NCAM2: variants seen among roughly 807,000 people sequenced by gnomAD.
NCAM2 encodes the protein neural cell adhesion molecule 2.
In NCAM2, 30 loss-of-function variants were observed where a neutral mutation model predicts 98.1. The ratio of observed to expected loss-of-function variants is 0.31; its 90% CI spans 0.23 to 0.41. NCAM2 has a LOEUF of 0.41. Ranked by LOEUF, NCAM2 falls within the 10% of genes least tolerant of loss-of-function variation. The probability of loss-of-function intolerance (pLI) is 1.00; values close to 1 mark genes in which losing one functional copy is unlikely to be tolerated. For missense variants in NCAM2, 867 were observed against 1,005.8 expected, an observed-to-expected ratio of 0.86 and a Z score of 1.87; for synonymous variants, 368 against 342.4, an observed-to-expected ratio of 1.07 and a Z score of -0.83.
At chr21:21,411,994 A>T (rs537953061) in intron 10 of NCAM2, among the ~76,000 whole-genome samples, 28 of 102,962 alleles carry the variant, frequency 2.7e-4, no homozygotes, top group Non-Finnish European at 4.8e-5. Flanking sequence ...TCTAAATTTT[A>T]TGTGTTTTAC....
At chr21:21,403,607 AT>A (rs1159273365) in intron 9 of NCAM2, among the ~76,000 whole-genome samples, 1 of 152,154 alleles carries the variant, frequency 6.6e-6, no homozygotes, top group Non-Finnish European at 1.5e-5. Context: ...TTTTGATATT[AT>A]TTTGAATTAT....
chr21:21,149,579 C>G (rs1431839459), intron 1 of NCAM2, among the ~76,000 whole-genome samples: 1 of 151,898 alleles, frequency 6.6e-6, no homozygotes, highest in Non-Finnish European at 1.5e-5. Flanking sequence ...CCCCCACCCC[C>G]CGACAGGGCC....
chr21:21,153,144 C>T (rs549338506), intron 1 of NCAM2, among the ~76,000 whole-genome samples: 127 of 149,638 alleles, frequency 8.5e-4, no homozygotes, highest in African/African-American at 2.9e-3. Context: ...TCAACTATAC[C>T]GTCATGGCCA....
intron 8 of NCAM2, among the ~76,000 whole-genome samples, chr21:21,372,564 T>C (rs1010079774): frequency 6.6e-6 from 1 of 151,836 alleles, no homozygotes; most frequent in Non-Finnish European, 1.5e-5. Context: ...TTCAGATATT[T>C]GTAATGCGTT....
chr21:21,061,417 A>T (rs2065318967), intron 1 of NCAM2, among the ~76,000 whole-genome samples: 2 of 152,100 alleles, frequency 1.3e-5, no homozygotes, highest in Non-Finnish European at 2.9e-5. Flanking sequence ...CATAATTTAG[A>T]TTTAGATGCA....
At chr21:21,513,651 AG>A (rs1191799265) in intron 16 of NCAM2, among the ~76,000 whole-genome samples, 11 of 152,258 alleles carry the variant, frequency 7.2e-5, no homozygotes, top group African/African-American at 2.6e-4. Flanking sequence ...TGTGCTGAGG[AG>A]AAGAAAGTGT....
intron 8 of NCAM2, among the ~76,000 whole-genome samples, chr21:21,366,558 G>A (rs2075791786): frequency 6.6e-6 from 1 of 152,000 alleles, no homozygotes; most frequent in Admixed American, 6.6e-5. Context: ...CAATACAAAA[G>A]TCTGTAGGTC....
intron 16 of NCAM2, among the ~76,000 whole-genome samples, chr21:21,518,942 A>G (rs1209770528): frequency 6.6e-6 from 1 of 152,170 alleles, no homozygotes; most frequent in African/African-American, 2.4e-5. Flanking sequence ...ACTGTGTCAT[A>G]AATACCTCTC....
intron 6 of NCAM2, among the ~76,000 whole-genome samples, chr21:21,331,521 A>ATACATATATATATACTC (rs2074690281): frequency 2.0e-4 from 4 of 19,714 alleles, no homozygotes; most frequent in African/African-American, 3.6e-4. Flanking sequence ...CTCTCTCTAT[A>ATACATATATATATACTC]TATATATATA....
chr21:21,116,685 C>G (rs533468781), intron 1 of NCAM2, among the ~76,000 whole-genome samples: 1 of 152,178 alleles, frequency 6.6e-6, no homozygotes, highest in South Asian at 2.1e-4. Context: ...AACCCTGTCT[C>G]TACTAAAAAT....
chr21:21,452,495 T>C (rs111813973), intron 12 of NCAM2, among the ~76,000 whole-genome samples: 26,335 of 132,244 alleles, frequency 0.2, 2,746 homozygotes, highest in African/African-American at 0.25. Flanking sequence ...AAATATCAAT[T>C]TATATATAAT....
intron 1 of NCAM2, among the ~76,000 whole-genome samples, chr21:21,104,041 A>G (rs2066295369): frequency 6.6e-6 from 1 of 152,140 alleles, no homozygotes; most frequent in African/African-American, 2.4e-5. Context: ...CAGTGGCTAT[A>G]GGTCAAAAGT....
At chr21:21,455,690 A>G (rs1031610419) in intron 12 of NCAM2, among the ~76,000 whole-genome samples, 1 of 152,046 alleles carries the variant, frequency 6.6e-6, no homozygotes, top group East Asian at 1.9e-4. Context: ...ATATTTAGTG[A>G]TGTGAAAATC....
intron 1 of NCAM2, among the ~76,000 whole-genome samples, chr21:21,248,477 C>G (rs2071359525): frequency 6.6e-6 from 1 of 151,954 alleles, no homozygotes; most frequent in South Asian, 2.1e-4. Flanking sequence ...AGTCTTTGCT[C>G]TCTTGTGAAA....
At chr21:21,198,105 A>G (rs1486955789) in intron 1 of NCAM2, among the ~76,000 whole-genome samples, 2 of 151,916 alleles carry the variant, frequency 1.3e-5, no homozygotes. Flanking sequence ...TTTTATATAT[A>G]TTTATTCTTC....
intron 13 of NCAM2, among the ~76,000 whole-genome samples, chr21:21,467,673 C>T (rs963817952): frequency 1.3e-5 from 2 of 151,418 alleles, no homozygotes; most frequent in Admixed American, 1.3e-4. Context: ...TAGTAAAACC[C>T]TATCTCTCCA....
chr21:21,286,483 G>C (rs2073106269), intron 4 of NCAM2, 71 bp downstream of exon 4: 8 of 1,462,688 alleles, frequency 5.5e-6, no homozygotes, highest in Middle Eastern at 1.9e-4. Flanking sequence ...CTGAATCTAT[G>C]TGTCTAGTTG....
At chr21:21,455,210 CAA>C (rs5842926) in intron 12 of NCAM2, among the ~76,000 whole-genome samples, 236 of 95,442 alleles carry the variant, frequency 2.5e-3, no homozygotes, top group African/African-American at 5.7e-3. Context: ...AACCTATTGG[CAA>C]AAAAAAAAAA....
chr21:21,293,966 A>G (rs971799458), intron 5 of NCAM2, among the ~76,000 whole-genome samples: 19 of 151,632 alleles, frequency 1.3e-4, no homozygotes, highest in African/African-American at 4.4e-4. Flanking sequence ...ATATATACAT[A>G]TAATTACACT....
Sources: gnomAD v4.1 joint callset for allele counts (sites outside exome capture counted in the v4.1 genomes callset) on GRCh38, gnomAD v4.1.1 for gene constraint, MANE v1.5 for transcripts, NCBI Gene and HGNC (gene_info 2026-07-23, HGNC 2026-07-21) for gene names.